NEB: variants seen among roughly 807,000 people sequenced by gnomAD.
The protein encoded by NEB is nebulin.
Under a neutral mutation model 952.2 loss-of-function variants are expected in NEB, and 512 were observed. The observed-to-expected ratio is 0.54, with a 90% CI of 0.50 to 0.58. NEB has a LOEUF of 0.58. Ranked by LOEUF, NEB falls within the 20% of genes least tolerant of loss-of-function variation. The pLI, the probability that NEB is intolerant of heterozygous loss-of-function variation, is 0.00. For missense variants in NEB, 8,428 were observed against 9,231.1 expected (o/e 0.91, Z 3.56); for synonymous variants, 2,900 against 3,149.8 (o/e 0.92, Z 2.66).
intron 36 of NEB, among the ~76,000 whole-genome samples, chr2:151,673,441 A>G (rs932409973): frequency 6.6e-6 from 1 of 151,802 alleles, no homozygotes; most frequent in South Asian, 2.1e-4. Context: ...AGTGCTAAAA[A>G]AAAAAAAAGA....
At chr2:151,499,223 G>T in intron 169 of NEB, 75 bp downstream of exon 169, 1 of 799,236 alleles carries the variant, frequency 1.3e-6, no homozygotes, top group Non-Finnish European at 1.9e-6. Flanking sequence ...GAGTTGATTA[G>T]ATTTTTAAAA....
intron 78 of NEB, 32 bp downstream of exon 78, chr2:151,612,154 A>T: frequency 6.3e-7 from 1 of 1,595,662 alleles, no homozygotes; most frequent in Non-Finnish European, 8.6e-7. Flanking sequence ...GGAAGGTATG[A>T]TTCTGGCAAC....
rs762133567 is a variant in NEB at position 151,496,363 on chromosome 2, T to TAACA, written c.24395_24398dup (p.Leu8133PhefsTer30). 7 of 1,608,258 alleles carry TAACA rather than the reference T, an allele frequency of 4.4e-6. No homozygotes were observed. Among genetic ancestry groups the TAACA allele is most frequent in the Admixed American group, 3.4e-5 (2 of 59,534 alleles). ...TTCCCTTGCCCATGTTTTCTTTGTA[T>TAACA]AACACCTGTGCGATGAGAAAGCATC... On this transcript the variant is annotated frameshift_variant, in exon 173 of 182. Transcript: ENST00000397345. LOFTEE classifies it high-confidence loss of function.
chr2:151,634,550 G>A (rs780912873), intron 64 of NEB, among the ~76,000 whole-genome samples: 3 of 152,074 alleles, frequency 2.0e-5, no homozygotes, highest in Non-Finnish European at 4.4e-5. Context: ...GCTGAGGCAG[G>A]AGAATGGCAT....
intron 157 of NEB, 21 bp downstream of exon 157, chr2:151,516,433 TGTGTG>T (rs762346543): frequency 2.0e-6 from 3 of 1,466,782 alleles, no homozygotes; most frequent in Non-Finnish European, 2.9e-6. Context: ...GGATCATTGT[TGTGTG>T]GTGTGGTTTT....
chr2:151,591,790 G>A (rs1438344782), intron 95 of NEB, among the ~76,000 whole-genome samples: 8 of 152,302 alleles, frequency 5.3e-5, no homozygotes, highest in South Asian at 2.1e-4. Flanking sequence ...ATTACTCTAC[G>A]TGTATCTATA....
rs1202781859 is a variant in NEB, at chr2:151,505,532, G to T, written c.23688C>A (p.Ile7896=). The change falls in exon 165 of 182, where the codon ATC becomes ATA. Residue 7896 remains isoleucine, a synonymous_variant. Transcript: ENST00000397345. ...YKEAIGQGTP[I]PDLPEVKRVK... ...CACGTTTCACTTCAGGCAGGTCAGGGATTGGAGTTCCTTGTCCTATTGCTT... is the reference window on the plus strand; with the variant it reads ...CACGTTTCACTTCAGGCAGGTCAGGTATTGGAGTTCCTTGTCCTATTGCTT... 1 of 1,613,858 alleles carries T rather than the reference G, an allele frequency of 6.2e-7. No individual in the cohort carries two copies.
At position 151,533,522 on chromosome 2, in the gene NEB, T is replaced by C. The variant is rs750039342; in HGVS notation, c.21337A>G (p.Met7113Val). Residue 7113 changes from methionine (M) to valine (V), a missense_variant, in exon 143 of 182, where the codon ATG becomes GTG. Physicochemically the swap from Met to Val is conservative, Grantham distance 21. Coordinates refer to ENST00000397345, the MANE Select transcript of NEB (RefSeq NM_001164508.2). Reference sequence around the variant, plus strand: ...TCATTACATCCATGTTGCAGAAACATCTTGGCACTAGATTTATATTTTCTC... The same window carrying C: ...TCATTACATCCATGTTGCAGAAACACCTTGGCACTAGATTTATATTTTCTC... ...NERKYKSSAK[M>V]FLQHGCNEIL... The C allele has an allele frequency of 7.8e-5, 121 of 1,551,010 alleles. No homozygotes were observed. Among genetic ancestry groups the C allele is most frequent in the Non-Finnish European group, 9.9e-5 (113 of 1,146,580 alleles).
chr2:151,495,109 C>T (rs966317175), intron 173 of NEB: 1 of 152,218 alleles, frequency 6.6e-6, no homozygotes, highest in African/African-American at 2.4e-5. Flanking sequence ...ATACAACATT[C>T]AGCTTATCAT....
chr2:151,567,440 A>G lies in NEB; in HGVS notation c.17884T>C (p.Tyr5962His). Residue 5962 changes from tyrosine (Y) to histidine (H), a missense_variant, in exon 114 of 182, where the codon TAT becomes CAT. Transcript: ENST00000397345. The part of the protein sequence containing the change: ...KAEHVKQKGH[Y>H]VGVPTMRDDP... ...TCTCTCATCGTCGGGACACCAACAT[A>G]ATGACCTTTTTGCTTCACATGTTCA... The G allele has an allele frequency of 6.2e-7, 1 of 1,613,272 alleles. No homozygotes were observed. Among genetic ancestry groups the G allele is most frequent in the Admixed American group, 1.7e-5 (1 of 59,894 alleles).
chr2:151,490,166 C>T, intron 180 of NEB, 89 bp from the exon 181 acceptor site: 1 of 1,214,268 alleles, frequency 8.2e-7, no homozygotes, highest in Non-Finnish European at 1.2e-6. Context: ...TGTCTTTTTC[C>T]CCCAACTTAG....
Position 151,610,137 on chromosome 2 carries a change from A to G in NEB, c.12019-17T>C, listed in dbSNP as rs374396459. The G allele has an allele frequency of 1.3e-6, 2 of 1,579,622 alleles. No individual in the cohort carries two copies. Among genetic ancestry groups the G allele is most frequent in the Non-Finnish European group, 1.7e-6 (2 of 1,158,664 alleles). On this transcript the variant is annotated splice_polypyrimidine_tract_variant and intron_variant, in intron 80 of 181. Transcript: ENST00000397345. ...GTATTTGTACTAAAATGCCAGAAAT[A>G]CAGGTGGAGACATCCAGTTTTAAAA...
intron 153 of NEB, among the ~76,000 whole-genome samples, chr2:151,520,865 CAAAA>C (rs58510460): frequency 0.071 from 10,801 of 151,936 alleles, 1,256 homozygotes; most frequent in African/African-American, 0.25. Context: ...CCCTGTCTCA[CAAAA>C]TAAATAAGAG....
chr2:151,609,176 A>G (rs571516269), intron 81 of NEB, among the ~76,000 whole-genome samples: 27 of 150,924 alleles, frequency 1.8e-4, no homozygotes, highest in African/African-American at 6.5e-4. Flanking sequence ...CTGGGCAACG[A>G]GAGTGAAACT....
At chr2:151,635,922 G>A (rs991173139) in intron 64 of NEB, among the ~76,000 whole-genome samples, 2 of 152,192 alleles carry the variant, frequency 1.3e-5, no homozygotes, top group East Asian at 3.9e-4. Flanking sequence ...TCTATAAGCC[G>A]GTGATAATTC....
In NEB at chr2:151,493,971, G is replaced by A. The variant is rs550991910; in HGVS notation, c.24580-104C>T. The A allele has an allele frequency of 1.3e-4, 118 of 913,824 alleles. 2 individuals carry two copies. In the South Asian group the frequency reaches 2.0e-3, roughly 15 times the overall value. The allele number at this position is 913,824 out of a possible 1,614,324, so 56.6% of individuals were successfully genotyped here. On this transcript the variant is annotated intron_variant, in intron 174 of 181. Coordinates refer to ENST00000397345, the MANE Select transcript of NEB (RefSeq NM_001164508.2). ...TGTTATGTTTAATCTATTACTATTA[G>A]TGAGAACACCTCTCAAGAAGAAAGC...
At chr2:151,654,973 C>G (rs2154145430) in intron 51 of NEB, among the ~76,000 whole-genome samples, 1 of 152,294 alleles carries the variant, frequency 6.6e-6, no homozygotes, top group South Asian at 2.1e-4. Flanking sequence ...AGGTGCATGT[C>G]ATCACACCTG....
chr2:151,621,101 A>T, intron 71 of NEB, 75 bp from the exon 72 acceptor site: 1 of 1,182,292 alleles, frequency 8.5e-7, no homozygotes. Flanking sequence ...CCAAAGGAAG[A>T]CCACTTTTGG....
At chr2:151,658,201 G>C (rs929267145) in intron 47 of NEB, 111 bp from the exon 48 acceptor site, 1 of 718,368 alleles carries the variant, frequency 1.4e-6, no homozygotes, top group Non-Finnish European at 2.3e-6. Flanking sequence ...TGAGCAGAAT[G>C]CTTCGTTGGT....
Sources: allele counts gnomAD v4.1 joint callset (sites outside exome capture counted in the v4.1 genomes callset), GRCh38; gene constraint gnomAD v4.1.1; transcripts MANE v1.5; gene names NCBI Gene and HGNC (gene_info 2026-07-23, HGNC 2026-07-21).